The following ZNF215 variants were observed in gnomAD, a reference collection of about 807,000 sequenced individuals.
ZNF215 encodes the protein BWSCR2-associated zinc finger protein 2.
ZNF215 carries 24 observed loss-of-function variants against 27.2 expected under a neutral mutation model. That is an observed-to-expected ratio of 0.88 (90% CI 0.64 to 1.24). The LOEUF is 1.24. Ranked by LOEUF, ZNF215 falls within the 50% of genes most tolerant of loss-of-function variation. The pLI is 0.00. For missense variants in ZNF215, 675 were observed against 605.7 expected (o/e 1.11, Z -1.20); for synonymous variants, 210 against 204.0 (o/e 1.03, Z -0.25).
At chr11:6,990,762 A>G (rs1211592081), downstream of ZNF215, among the ~76,000 whole-genome samples, 2 of 152,238 alleles carry the variant, frequency 1.3e-5, no homozygotes, top group Non-Finnish European at 2.9e-5. Context: ...ACACACGCGC[A>G]CATGTGCGCA....
At chr11:6,963,958 G>A (rs1265879929) in intron 5 of ZNF215, among the ~76,000 whole-genome samples, 4 of 151,986 alleles carry the variant, frequency 2.6e-5, no homozygotes, top group Non-Finnish European at 5.9e-5. Flanking sequence ...CTGTTAATCC[G>A]GGTTTTTTAA....
downstream of ZNF215, among the ~76,000 whole-genome samples, chr11:6,987,048 GAAAAT>G (rs1851064827): frequency 1.3e-5 from 2 of 152,068 alleles, no homozygotes; most frequent in Non-Finnish European, 2.9e-5. Context: ...ATACACAAAA[GAAAAT>G]AAATCATTTT....
At chr11:6,961,503 C>G (rs1245681093), downstream of ZNF215, among the ~76,000 whole-genome samples, 1 of 152,090 alleles carries the variant, frequency 6.6e-6, no homozygotes, top group Non-Finnish European at 1.5e-5. Flanking sequence ...AGTGTCTGCC[C>G]AAATACCTTA....
chr11:6,932,224 C>A lies in ZNF215; in HGVS notation c.-49C>A. On this transcript the variant is annotated 5_prime_UTR_variant, in exon 3 of 7. Coordinates refer to ENST00000278319, the MANE Select transcript of ZNF215 (RefSeq NM_013250.4). ...CTTAGCTCAAGCCTGAGAATTACTG[C>A]AATCTAGTAAGGCGGATTTGAACTA... 6.3e-7 allele frequency: 1 copy of A among 1,576,256 alleles called. No homozygotes were observed. The highest frequency in any genetic ancestry group is 8.6e-7 in the Non-Finnish European group (1 of 1,161,552).
At chr11:6,940,527 C>G (rs1230561619) in intron 3 of ZNF215, among the ~76,000 whole-genome samples, 2 of 152,156 alleles carry the variant, frequency 1.3e-5, no homozygotes, top group Non-Finnish European at 2.9e-5. Flanking sequence ...TTAGGCTGGT[C>G]TTGGATGCTA....
At chr11:6,946,381 A>G (rs914185802) in intron 6 of ZNF215, among the ~76,000 whole-genome samples, 2 of 151,800 alleles carry the variant, frequency 1.3e-5, no homozygotes, top group Non-Finnish European at 2.9e-5. Flanking sequence ...TCCTCCCCTC[A>G]CTCTTTGTAC....
intron 6 of ZNF215, among the ~76,000 whole-genome samples, chr11:6,951,840 G>A (rs1029460425): frequency 4.6e-5 from 7 of 151,996 alleles, no homozygotes; most frequent in Admixed American, 3.9e-4. Context: ...TGTCAATTTT[G>A]GATCTTTCCT....
At chr11:6,938,899 G>C (rs760886186) in intron 3 of ZNF215, among the ~76,000 whole-genome samples, 5 of 152,072 alleles carry the variant, frequency 3.3e-5, no homozygotes, top group Non-Finnish European at 7.4e-5. Context: ...TATATTATGT[G>C]AATTTTGCCT....
At chr11:6,962,967 C>G (rs193130243), downstream of ZNF215, among the ~76,000 whole-genome samples, 4 of 152,046 alleles carry the variant, frequency 2.6e-5, no homozygotes, top group African/African-American at 9.6e-5. Flanking sequence ...TCTGAAGGGC[C>G]CTTGTATTCT....
At chr11:6,951,568 T>C (rs564736150) in intron 6 of ZNF215, among the ~76,000 whole-genome samples, 19 of 152,332 alleles carry the variant, frequency 1.2e-4, no homozygotes, top group African/African-American at 4.1e-4. Flanking sequence ...TTCTGTGGGA[T>C]CGGTGGTGAT....
chr11:6,954,932 G>A (rs969223829), intron 6 of ZNF215, among the ~76,000 whole-genome samples: 10 of 152,138 alleles, frequency 6.6e-5, no homozygotes, highest in Non-Finnish European at 1.3e-4. Flanking sequence ...AGTATACAGA[G>A]TATATAGAAG....
intron 6 of ZNF215, among the ~76,000 whole-genome samples, chr11:6,945,295 A>T (rs1004293896): frequency 6.6e-6 from 1 of 151,832 alleles, no homozygotes; most frequent in African/African-American, 2.4e-5. Flanking sequence ...TTGTATTTTC[A>T]CCATTTCTGT....
intron 5 of ZNF215, among the ~76,000 whole-genome samples, chr11:6,964,362 C>T (rs555137772): frequency 6.6e-6 from 1 of 152,072 alleles, no homozygotes; most frequent in South Asian, 2.1e-4. Context: ...AATATTTCTC[C>T]TGTTTTCTTC....
Position 6,949,188 on chromosome 11 carries a change from G to A in ZNF215, c.712+5547G>A, listed in dbSNP as rs572378889. 4.6e-3 allele frequency among the ~76,000 whole-genome samples: 700 copies of A among 151,898 alleles called. 4 individuals carry two copies. The highest frequency in any genetic ancestry group is 0.016 in the African/African-American group (646 of 41,378). The stretch of plus-strand genomic sequence containing the variant: ...GTTGGTTCCAAGTCTTTGCTATTGT[G>A]AATAGTGCCTCAATAAACATACGTG... On this transcript the variant is annotated intron_variant, in intron 6 of 6. Coordinates refer to ENST00000278319, the MANE Select transcript of ZNF215 (RefSeq NM_013250.4).
intron 5 of ZNF215, among the ~76,000 whole-genome samples, chr11:6,974,903 G>T (rs1320825727): frequency 6.6e-6 from 1 of 152,022 alleles, no homozygotes; most frequent in Non-Finnish European, 1.5e-5. Context: ...CTGCCTGATT[G>T]CCCTGGCCGG....
rs1357213256 is a variant in ZNF215 at position 6,943,076 on chromosome 11, GT to G, written c.484-3del. The G allele has an allele frequency of 1.2e-6, 2 of 1,608,710 alleles. No homozygotes were observed. The highest frequency in any genetic ancestry group is 1.7e-6 in the Non-Finnish European group (2 of 1,178,426). ...ACCTTTGATTAAAAAGGAACTTAATGTTTTAGGAACCAGTGACATTCAAAGA... is the reference window on the plus strand; with the variant it reads ...ACCTTTGATTAAAAAGGAACTTAATGTTTAGGAACCAGTGACATTCAAAGA... On this transcript the variant is annotated splice_region_variant and splice_polypyrimidine_tract_variant and intron_variant, in intron 4 of 6. Coordinates refer to ENST00000278319, the MANE Select transcript of ZNF215 (RefSeq NM_013250.4).
intron 5 of ZNF215, among the ~76,000 whole-genome samples, chr11:6,973,942 TG>T (rs1237415093): frequency 6.6e-6 from 1 of 152,204 alleles, no homozygotes; most frequent in Non-Finnish European, 1.5e-5. Flanking sequence ...CTATTGCTTT[TG>T]GTGTTTTAGA....
chr11:6,962,480 C>T (rs1322827989), downstream of ZNF215, among the ~76,000 whole-genome samples: 1 of 152,084 alleles, frequency 6.6e-6, no homozygotes, highest in African/African-American at 2.4e-5. Context: ...TGAACCCCAG[C>T]CCTTTTATAT....
chr11:6,933,950 G>A (rs1006637896), intron 3 of ZNF215, among the ~76,000 whole-genome samples: 14 of 152,148 alleles, frequency 9.2e-5, no homozygotes, highest in African/African-American at 2.9e-4. Flanking sequence ...GGAGGAGTAT[G>A]GCAAAGTGAT....
Sources: gnomAD v4.1 joint callset for allele counts (sites outside exome capture counted in the v4.1 genomes callset) on GRCh38, gnomAD v4.1.1 for gene constraint, MANE v1.5 for transcripts, NCBI Gene and HGNC (gene_info 2026-07-23, HGNC 2026-07-21) for gene names.